The following ARHGAP24 variants were observed in gnomAD, a reference collection of about 807,000 sequenced individuals.
ARHGAP24 encodes rho GTPase-activating protein 24.
Under a neutral mutation model 76.4 loss-of-function variants are expected in ARHGAP24, and 50 were observed. The observed-to-expected ratio is 0.65, with a 90% CI of 0.52 to 0.83. The LOEUF is 0.83. Ranked by LOEUF, ARHGAP24 falls within the 40% of genes least tolerant of loss-of-function variation. ARHGAP24 has a pLI of 0.00. For synonymous variants in ARHGAP24, 345 were observed against 323.3 expected (o/e 1.07, Z -0.72); for missense variants, 930 against 914.2 (o/e 1.02, Z -0.22).
chr4:85,996,645 TC>T (rs1740678870), intron 9 of ARHGAP24, among the ~76,000 whole-genome samples: 1 of 152,230 alleles, frequency 6.6e-6, no homozygotes, highest in Non-Finnish European at 1.5e-5. Flanking sequence ...AAAAATTACT[TC>T]CTTGGAAAGT....
chr4:85,859,969 G>A (rs1731797435), intron 3 of ARHGAP24, among the ~76,000 whole-genome samples: 1 of 151,954 alleles, frequency 6.6e-6, no homozygotes, highest in Non-Finnish European at 1.5e-5. Context: ...ATATTAACAG[G>A]GCAAAGCTTT....
chr4:85,988,883 A>G (rs1740160850), intron 8 of ARHGAP24, among the ~76,000 whole-genome samples: 1 of 151,760 alleles, frequency 6.6e-6, no homozygotes, highest in Non-Finnish European at 1.5e-5. Context: ...AGTTTGTGTG[A>G]TACAACTAAA....
Position 85,974,824 on chromosome 4 carries a change from G to T in ARHGAP24, c.733-64G>T. 2.7e-6 allele frequency: 4 copies of T among 1,501,064 alleles called. No homozygotes were observed. In the South Asian group the frequency reaches 4.6e-5, roughly 17 times the overall value. 93.0% of individuals were successfully genotyped at this position (1,501,064 alleles called of 1,614,324 possible). ...TTTTAAAAAATTATATGGCCATTTC[G>T]ACTTGCTTTAATTCTAAGGCCAACG... On this transcript the variant is annotated intron_variant, in intron 6 of 9. Transcript: ENST00000395184.
intron 3 of ARHGAP24, among the ~76,000 whole-genome samples, chr4:85,849,957 C>T (rs1731125362): frequency 6.6e-6 from 1 of 152,034 alleles, no homozygotes; most frequent in Non-Finnish European, 1.5e-5. Context: ...ATGATGCTGG[C>T]CTCATAAAAT....
At chr4:85,808,498 C>A (rs1377753979) in intron 3 of ARHGAP24, among the ~76,000 whole-genome samples, 2 of 152,150 alleles carry the variant, frequency 1.3e-5, no homozygotes, top group African/African-American at 4.8e-5. Flanking sequence ...AAGAATTATG[C>A]TATCAGTTGC....
At chr4:85,757,857 T>C (rs927948606) in intron 3 of ARHGAP24, among the ~76,000 whole-genome samples, 5 of 152,224 alleles carry the variant, frequency 3.3e-5, no homozygotes, top group Non-Finnish European at 7.3e-5. Flanking sequence ...CTCCTATTTC[T>C]CCACATCCTC....
chr4:85,778,573 C>A (rs13105921), intron 3 of ARHGAP24: 437,225 of 696,758 alleles, frequency 0.63, 145,830 homozygotes, highest in Non-Finnish European at 0.69. Context: ...TATTTAAGGT[C>A]CTGATGAGCT....
At chr4:85,862,031 A>G (rs1261346395) in intron 3 of ARHGAP24, among the ~76,000 whole-genome samples, 1 of 151,982 alleles carries the variant, frequency 6.6e-6, no homozygotes, top group African/African-American at 2.4e-5. Context: ...TTTATTATTC[A>G]TTATTCTACA....
chr4:85,546,046 G>T (rs373401022), intron 1 of ARHGAP24, among the ~76,000 whole-genome samples: 2 of 152,032 alleles, frequency 1.3e-5, no homozygotes, highest in African/African-American at 4.8e-5. Flanking sequence ...AGGACTGTAG[G>T]TATCTTTTTG....
rs1740567849 is a variant in ARHGAP24 at position 85,995,022 on chromosome 4, C to A, written c.1368C>A (p.Ser456Arg). 1.2e-6 allele frequency: 2 copies of A among 1,614,038 alleles called. No homozygotes were observed. Among genetic ancestry groups the A allele is most frequent in the Non-Finnish European group, 1.7e-6 (2 of 1,180,016 alleles). The change falls in exon 9 of 10, where the codon AGC becomes AGA. Residue 456 changes from serine to arginine, a missense_variant. Physicochemically the swap from Ser to Arg is moderately radical, Grantham distance 110 (BLOSUM62 -1). Transcript: ENST00000395184. ...AAACCCAAACCACCCCCAATGGGAG[C>A]CTACAGGCCAGAAGGAGCTCTTCAC... The part of the protein sequence containing the change: ...LEKTQTTPNG[S>R]LQARRSSSLK...
rs536637289 is a variant in ARHGAP24, at chr4:85,906,004, A to G, written c.269-17644A>G. 3.1e-4 allele frequency among the ~76,000 whole-genome samples: 47 copies of G among 152,310 alleles called. No homozygotes were observed. The South Asian group carries it at 9.3e-3, about 30-fold the overall frequency. Reference sequence around the variant, plus strand: ...TTTTCTTGGCACCAAGGTCACTGCTAAGCTGTATTTAACCTGGAGCTAGAG... The same window carrying G: ...TTTTCTTGGCACCAAGGTCACTGCTGAGCTGTATTTAACCTGGAGCTAGAG... On this transcript the variant is annotated intron_variant, in intron 3 of 9. Transcript: ENST00000395184.
At chr4:85,732,286 T>C (rs1375939995) in intron 3 of ARHGAP24, among the ~76,000 whole-genome samples, 4 of 152,114 alleles carry the variant, frequency 2.6e-5, no homozygotes, top group African/African-American at 7.2e-5. Flanking sequence ...TTAGAAACGA[T>C]GTCAGAATGA....
chr4:85,724,600 TA>T (rs1725096977), intron 3 of ARHGAP24, among the ~76,000 whole-genome samples: 1 of 151,350 alleles, frequency 6.6e-6, no homozygotes, highest in African/African-American at 2.4e-5. Context: ...AGGAAAATCA[TA>T]TTAAAAAAAC....
At chr4:85,806,585 G>A (rs952604905) in intron 3 of ARHGAP24, among the ~76,000 whole-genome samples, 5 of 152,004 alleles carry the variant, frequency 3.3e-5, no homozygotes, top group African/African-American at 1.2e-4. Flanking sequence ...TTTTAATTGG[G>A]GGCTGGATTG....
At chr4:85,875,494 A>G (rs1208858150) in intron 3 of ARHGAP24, among the ~76,000 whole-genome samples, 3 of 91,154 alleles carry the variant, frequency 3.3e-5, no homozygotes, top group African/African-American at 4.5e-5. Context: ...ATATTATATT[A>G]TATATAATAT....
At chr4:85,717,465 C>T (rs1724777405) in intron 2 of ARHGAP24, among the ~76,000 whole-genome samples, 1 of 152,116 alleles carries the variant, frequency 6.6e-6, no homozygotes, top group African/African-American at 2.4e-5. Context: ...TGGCTCTCAG[C>T]TGCTACAGAT....
chr4:85,479,583 A>C (rs1241331845), intron 1 of ARHGAP24, among the ~76,000 whole-genome samples: 2 of 152,166 alleles, frequency 1.3e-5, no homozygotes, highest in Non-Finnish European at 2.9e-5. Context: ...GCTTGAGGGA[A>C]ATTAATTAAA....
chr4:85,825,469 G>A (rs1337532485), intron 3 of ARHGAP24, among the ~76,000 whole-genome samples: 1 of 152,142 alleles, frequency 6.6e-6, no homozygotes, highest in African/African-American at 2.4e-5. Flanking sequence ...TACATCGAAG[G>A]TCAAGAGATT....
chr4:85,525,274 T>A (rs1332614295), intron 1 of ARHGAP24, among the ~76,000 whole-genome samples: 1 of 150,494 alleles, frequency 6.6e-6, no homozygotes, highest in Non-Finnish European at 1.5e-5. Context: ...TTTTTTTTTT[T>A]ACCGTAGCTC....
Sources: allele counts gnomAD v4.1 joint callset (sites outside exome capture counted in the v4.1 genomes callset), GRCh38; gene constraint gnomAD v4.1.1; transcripts MANE v1.5; gene names NCBI Gene and HGNC (gene_info 2026-07-23, HGNC 2026-07-21).